The following WWC2 variants were observed in gnomAD, a reference collection of about 807,000 sequenced individuals.
WWC2 encodes WW and C2 domain containing 2, also known as protein WWC2.
In WWC2, 101 loss-of-function variants were observed where a neutral mutation model predicts 138.5. The ratio of observed to expected loss-of-function variants is 0.73; its 90% CI spans 0.62 to 0.86. The LOEUF (loss-of-function observed/expected upper bound fraction) is 0.86, where lower values mean the gene tolerates loss of function less well. Among genes scored for constraint, WWC2 ranks in the 40% least tolerant of loss-of-function variants. WWC2 has a pLI of 0.00. For synonymous variants in WWC2, 558 were observed against 538.4 expected (o/e 1.04, Z -0.50); for missense variants, 1,420 against 1,419.4 (o/e 1.00, Z -0.01).
chr4:183,113,515 T>TGC (rs1554064965), intron 1 of WWC2, among the ~76,000 whole-genome samples: 3,245 of 126,624 alleles, frequency 0.026, 51 homozygotes, highest in Non-Finnish European at 0.04. Context: ...TGTGTGTGTG[T>TGC]GCGCGCGCGT....
chr4:183,148,649 T>G (rs1420305853), intron 1 of WWC2, among the ~76,000 whole-genome samples: 1 of 152,204 alleles, frequency 6.6e-6, no homozygotes, highest in African/African-American at 2.4e-5. Context: ...CTAGATATCT[T>G]TGTTGTAGCT....
rs200518855 is a variant in WWC2 at position 183,193,647 on chromosome 4, G to A, written c.180G>A (p.Pro60=). ...CTGATTGTGTTGGGGATGAGCTGCC[G>A]TGGGGATGGGAAGCAGGGTTTGACC... ...SFADCVGDEL[P]WGWEAGFDPQ... is the part of the protein sequence containing the mutation. The change falls in exon 2 of 23, where the codon CCG becomes CCA. Residue 60 remains proline, a synonymous_variant. Transcript: ENST00000403733. 3.8e-5 allele frequency: 62 copies of A among 1,613,942 alleles called. No individual in the cohort carries two copies. Among genetic ancestry groups the A allele is most frequent in the East Asian group, 3.8e-4 (17 of 44,870 alleles).
intron 1 of WWC2, among the ~76,000 whole-genome samples, chr4:183,141,331 G>A (rs868436780): frequency 3.9e-5 from 6 of 152,086 alleles, no homozygotes; most frequent in African/African-American, 1.2e-4. Context: ...AGGGGAGAGC[G>A]TCAGTTCTCC....
intron 1 of WWC2, among the ~76,000 whole-genome samples, chr4:183,124,536 CTTT>C (rs370409813): frequency 4.1e-5 from 5 of 122,794 alleles, no homozygotes; most frequent in Non-Finnish European, 5.2e-5. Flanking sequence ...TCCTTTTTCT[CTTT>C]TTTTTTTTTT....
At chr4:183,306,896 A>AAAAAAAAAAAAAAT in intron 21 of WWC2, among the ~76,000 whole-genome samples, 2 of 151,804 alleles carry the variant, frequency 1.3e-5, no homozygotes, top group Admixed American at 6.6e-5. Context: ...AAAAAAAAAA[A>AAAAAAAAAAAAAAT]ACTACAAGGA....
At chr4:183,202,495 T>C (rs573935873) in intron 2 of WWC2, among the ~76,000 whole-genome samples, 16 of 152,210 alleles carry the variant, frequency 1.1e-4, no homozygotes, top group Non-Finnish European at 2.2e-4. Context: ...AGAAGAAATA[T>C]TTTCTTGATT....
intron 4 of WWC2, among the ~76,000 whole-genome samples, chr4:183,210,399 T>C (rs555061649): frequency 6.6e-6 from 1 of 152,272 alleles, no homozygotes; most frequent in Non-Finnish European, 1.5e-5. Context: ...GGGAATAACA[T>C]TGTATTGTAT....
chr4:183,233,488 T>A (rs1425591832), intron 4 of WWC2: 1 of 152,088 alleles, frequency 6.6e-6, no homozygotes, highest in Admixed American at 6.6e-5. Context: ...AGATCTAGCA[T>A]TGACCTTCCA....
chr4:183,256,829 G>T (rs1408613703), intron 9 of WWC2, among the ~76,000 whole-genome samples: 2 of 148,332 alleles, frequency 1.3e-5, no homozygotes, highest in Non-Finnish European at 3.0e-5. Flanking sequence ...CTGAACGTTG[G>T]TGTCTGAAGG....
At chr4:183,119,638 A>G (rs1732536802) in intron 1 of WWC2, among the ~76,000 whole-genome samples, 1 of 152,244 alleles carries the variant, frequency 6.6e-6, no homozygotes, top group African/African-American at 2.4e-5. Context: ...CAGAAGTTTT[A>G]ATTTTAAAAA....
intron 14 of WWC2, among the ~76,000 whole-genome samples, chr4:183,267,553 A>G (rs1345049915): frequency 6.6e-6 from 1 of 152,202 alleles, no homozygotes; most frequent in Non-Finnish European, 1.5e-5. Context: ...ACTACAGAAC[A>G]CCCCAAGAAC....
chr4:183,303,763 A>G (rs1018360755), intron 21 of WWC2, among the ~76,000 whole-genome samples: 2 of 152,182 alleles, frequency 1.3e-5, no homozygotes, highest in Non-Finnish European at 2.9e-5. Flanking sequence ...ACAGATTAAC[A>G]TTAGTTTTTC....
At chr4:183,297,937 G>A (rs1738692662) in intron 21 of WWC2, among the ~76,000 whole-genome samples, 1 of 152,246 alleles carries the variant, frequency 6.6e-6, no homozygotes, top group African/African-American at 2.4e-5. Flanking sequence ...CATGGCACAT[G>A]TTGGCTTCAA....
intron 4 of WWC2, among the ~76,000 whole-genome samples, chr4:183,238,039 T>C (rs977611391): frequency 2.0e-5 from 3 of 152,192 alleles, no homozygotes; most frequent in Non-Finnish European, 2.9e-5. Flanking sequence ...AAATAATATC[T>C]TTATGCCAGT....
chr4:183,263,158 T>C (rs1191476926), intron 11 of WWC2, among the ~76,000 whole-genome samples: 2 of 152,208 alleles, frequency 1.3e-5, no homozygotes, highest in Admixed American at 1.3e-4. Flanking sequence ...CCAGCGTTCC[T>C]TCCTGTGCTT....
At chr4:183,293,698 A>T (rs1738537528) in intron 21 of WWC2, among the ~76,000 whole-genome samples, 1 of 152,250 alleles carries the variant, frequency 6.6e-6, no homozygotes, top group South Asian at 2.1e-4. Flanking sequence ...GCATTAAAAA[A>T]TTTGTAAGTT....
At chr4:183,297,536 A>G (rs574179675) in intron 21 of WWC2, among the ~76,000 whole-genome samples, 11 of 151,970 alleles carry the variant, frequency 7.2e-5, no homozygotes, top group African/African-American at 2.7e-4. Flanking sequence ...CAGCCTCCCA[A>G]GTAGCTGGGA....
chr4:183,185,922 G>A (rs921413837), intron 1 of WWC2, among the ~76,000 whole-genome samples: 1 of 149,962 alleles, frequency 6.7e-6, no homozygotes, highest in African/African-American at 2.4e-5. Context: ...ATTGCTGTAT[G>A]TAAAATTTGA....
intron 1 of WWC2, among the ~76,000 whole-genome samples, chr4:183,178,700 A>G (rs1734536392): frequency 6.6e-6 from 1 of 152,094 alleles, no homozygotes; most frequent in African/African-American, 2.4e-5. Flanking sequence ...CTGTGCCTTT[A>G]CACCAGGGAG....
Sources: allele counts gnomAD v4.1 joint callset (sites outside exome capture counted in the v4.1 genomes callset), GRCh38; gene constraint gnomAD v4.1.1; transcripts MANE v1.5; gene names NCBI Gene and HGNC (gene_info 2026-07-23, HGNC 2026-07-21).